Variants in CTTNBP2 observed in about 807,000 individuals in gnomAD.
CTTNBP2 encodes the protein cortactin binding protein 2, also known as cortactin-binding protein 2.
CTTNBP2 carries 108 observed loss-of-function variants against 156.9 expected under a neutral mutation model. The observed-to-expected ratio is 0.69, with a 90% CI of 0.59 to 0.81. The LOEUF is 0.81. CTTNBP2 is among the 30% of genes least tolerant of loss of function. CTTNBP2 has a pLI of 0.00. For synonymous variants in CTTNBP2, 767 were observed against 751.8 expected (o/e 1.02, Z -0.33); for missense variants, 1,924 against 2,035.4 (o/e 0.95, Z 1.05).
chr7:117,810,101 ATG>A (rs1800179687), intron 3 of CTTNBP2, among the ~76,000 whole-genome samples: 2 of 151,954 alleles, frequency 1.3e-5, no homozygotes, highest in African/African-American at 4.8e-5. Context: ...TGAAAGGAAT[ATG>A]TGTGTGATGG....
chr7:117,816,011 G>A (rs924172962), intron 2 of CTTNBP2, among the ~76,000 whole-genome samples: 2 of 152,200 alleles, frequency 1.3e-5, no homozygotes, highest in South Asian at 2.1e-4. Flanking sequence ...ACAGACTTAG[G>A]AAAATAGCAG....
chr7:117,716,136 GT>G (rs1345856554), intron 22 of CTTNBP2, among the ~76,000 whole-genome samples: 7 of 150,406 alleles, frequency 4.7e-5, no homozygotes, highest in South Asian at 2.1e-4. Context: ...CAATAACATA[GT>G]TTTTTTTTCT....
At chr7:117,721,244 A>T (rs1417770617) in intron 19 of CTTNBP2, 114 bp from the exon 20 acceptor site, 1 of 696,868 alleles carries the variant, frequency 1.4e-6, no homozygotes, top group African/African-American at 1.8e-5. Context: ...TTCTTGGATT[A>T]GTATCCAGGA....
intron 22 of CTTNBP2, chr7:117,716,033 A>T (rs904478240): frequency 3.9e-5 from 6 of 152,006 alleles, no homozygotes; most frequent in Non-Finnish European, 5.9e-5. Context: ...GCTCTTGGGG[A>T]AGAGTCCCTC....
At chr7:117,764,931 T>G (rs1176714590) in intron 9 of CTTNBP2, among the ~76,000 whole-genome samples, 1 of 152,138 alleles carries the variant, frequency 6.6e-6, no homozygotes, top group African/African-American at 2.4e-5. Flanking sequence ...CTTCAGGTTT[T>G]TTTTGTTTTG....
At chr7:117,718,167 G>A (rs1379894035) in intron 21 of CTTNBP2, 48 bp from the exon 22 acceptor site, 3 of 1,137,776 alleles carry the variant, frequency 2.6e-6, no homozygotes, top group Non-Finnish European at 4.0e-6. Context: ...GTCACACTGT[G>A]CATACTCAAG....
At chr7:117,711,837 C>T (rs1794077028) in intron 22 of CTTNBP2, 55 bp from the exon 23 acceptor site, 1 of 1,519,362 alleles carries the variant, frequency 6.6e-7, no homozygotes, top group South Asian at 1.3e-5. Context: ...TGTTATGAGC[C>T]CTACCCCTGC....
intron 14 of CTTNBP2, among the ~76,000 whole-genome samples, chr7:117,736,545 GT>G (rs977521237): frequency 1.3e-5 from 2 of 152,162 alleles, no homozygotes; most frequent in Non-Finnish European, 2.9e-5. Flanking sequence ...AGAAACAATG[GT>G]AAGGGAGGAG....
At chr7:117,851,753 C>T (rs1411951249) in intron 2 of CTTNBP2, among the ~76,000 whole-genome samples, 2 of 152,200 alleles carry the variant, frequency 1.3e-5, no homozygotes, top group East Asian at 1.9e-4. Context: ...GGCACAAAAA[C>T]ACATGGAACC....
At chr7:117,761,828 T>TA (rs1453772552) in intron 9 of CTTNBP2, among the ~76,000 whole-genome samples, 1 of 152,336 alleles carries the variant, frequency 6.6e-6, no homozygotes, top group Non-Finnish European at 1.5e-5. Context: ...TAAACTTTGG[T>TA]AAAAAATTCC....
intron 22 of CTTNBP2, among the ~76,000 whole-genome samples, chr7:117,716,643 T>C (rs1004579669): frequency 3.9e-5 from 6 of 152,150 alleles, no homozygotes; most frequent in Non-Finnish European, 8.8e-5. Flanking sequence ...TTGCTGGGCT[T>C]CTAAATTGTT....
At chr7:117,725,594 C>T (rs967650968) in intron 17 of CTTNBP2, among the ~76,000 whole-genome samples, 16 of 152,304 alleles carry the variant, frequency 1.1e-4, no homozygotes, top group Non-Finnish European at 1.8e-4. Context: ...AAAAAGATTT[C>T]CTAAAAGTCC....
chr7:117,715,260 TAAA>T (rs1259821129), intron 22 of CTTNBP2, among the ~76,000 whole-genome samples: 1 of 151,738 alleles, frequency 6.6e-6, no homozygotes, highest in Non-Finnish European at 1.5e-5. Flanking sequence ...AAATTACATG[TAAA>T]AAAGGAACAT....
chr7:117,786,594 G>C lies in CTTNBP2; in HGVS notation c.2069-2140C>G, dbSNP rs151172113. On this transcript the variant is annotated intron_variant, in intron 4 of 22. Coordinates refer to ENST00000160373, the MANE Select transcript of CTTNBP2 (RefSeq NM_033427.3). ...CTACAGTCCTCTGTGGAACAGGAGG[G>C]AATGGGGCTCATACTCAGCCTCTCT... Among the ~76,000 whole-genome samples the C allele has an allele frequency of 2.0e-3, 305 of 152,328 alleles. 1 individual carries two copies. The highest frequency in any genetic ancestry group is 7.0e-3 in the African/African-American group (290 of 41,582).
chr7:117,821,702 A>G (rs575960018), intron 2 of CTTNBP2, among the ~76,000 whole-genome samples: 3 of 150,098 alleles, frequency 2.0e-5, no homozygotes, highest in African/African-American at 7.4e-5. Flanking sequence ...CATTCTCCTG[A>G]CTCAGCCTCC....
chr7:117,799,035 C>T (rs1226828241), intron 3 of CTTNBP2, among the ~76,000 whole-genome samples: 10 of 151,254 alleles, frequency 6.6e-5, no homozygotes, highest in South Asian at 6.2e-4. Context: ...ACTAAATTCA[C>T]GATTAAAAAC....
intron 12 of CTTNBP2, among the ~76,000 whole-genome samples, chr7:117,749,333 G>C (rs754222803): frequency 5.9e-5 from 9 of 152,150 alleles, no homozygotes; most frequent in Non-Finnish European, 1.0e-4. Context: ...TGGGTCAGTG[G>C]GTGGATGAAA....
intron 8 of CTTNBP2, among the ~76,000 whole-genome samples, chr7:117,776,052 A>G (rs562003885): frequency 1.8e-4 from 27 of 152,290 alleles, no homozygotes; most frequent in African/African-American, 6.5e-4. Context: ...CTCTAAATAC[A>G]CATCTTTAGC....
intron 12 of CTTNBP2, among the ~76,000 whole-genome samples, chr7:117,754,870 G>A (rs1431646698): frequency 6.6e-6 from 1 of 152,134 alleles, no homozygotes; most frequent in African/African-American, 2.4e-5. Context: ...AATGTGACTA[G>A]CAGACATTTC....
Sources: gnomAD v4.1 joint callset for allele counts (sites outside exome capture counted in the v4.1 genomes callset) on GRCh38, gnomAD v4.1.1 for gene constraint, MANE v1.5 for transcripts, NCBI Gene and HGNC (gene_info 2026-07-23, HGNC 2026-07-21) for gene names.